USP39: variants seen among roughly 807,000 people sequenced by gnomAD.
USP39 encodes ubiquitin specific peptidase 39.
In USP39, 38 loss-of-function variants were observed where a neutral mutation model predicts 66.4. That is an observed-to-expected ratio of 0.57 (90% CI 0.44 to 0.75). USP39 has a LOEUF of 0.75. USP39 is among the 30% of genes least tolerant of loss of function. The pLI, the probability that USP39 is intolerant of heterozygous loss-of-function variation, is 0.00. For synonymous variants in USP39, 303 were observed against 274.6 expected (o/e 1.10, Z -1.02); for missense variants, 608 against 714.4 (o/e 0.85, Z 1.70).
intron 10 of USP39, among the ~76,000 whole-genome samples, chr2:85,644,259 C>T (rs1558874625): frequency 6.6e-6 from 1 of 152,142 alleles, no homozygotes; most frequent in Non-Finnish European, 1.5e-5. Context: ...GGTAGCACAT[C>T]AGACAACTTT....
chr2:85,637,178 ATTAT>A (rs1675838359), intron 7 of USP39, among the ~76,000 whole-genome samples, 187 bp from the exon 8 acceptor site: 1 of 152,228 alleles, frequency 6.6e-6, no homozygotes, highest in Admixed American at 6.5e-5. Flanking sequence ...AAATAAAGTA[ATTAT>A]TTACACAAAT....
chr2:85,633,002 G>A (rs755013835), intron 6 of USP39, among the ~76,000 whole-genome samples: 1 of 152,130 alleles, frequency 6.6e-6, no homozygotes, highest in Non-Finnish European at 1.5e-5. Flanking sequence ...CTGGACCCTT[G>A]GACTCCTGGG....
intron 5 of USP39, among the ~76,000 whole-genome samples, chr2:85,629,235 G>A (rs971294090): frequency 2.0e-5 from 3 of 151,388 alleles, no homozygotes; most frequent in Non-Finnish European, 4.4e-5. Flanking sequence ...AGCTAATTTT[G>A]TATTTTTAGT....
intron 4 of USP39, 26 bp from the exon 5 acceptor site, chr2:85,625,513 A>G (rs1674786122): frequency 1.2e-6 from 2 of 1,612,304 alleles, no homozygotes; most frequent in Non-Finnish European, 1.7e-6. Flanking sequence ...CTCTTAAACA[A>G]CTTAGCATTT....
At chr2:85,643,783 G>A (rs1419949004) in intron 10 of USP39, among the ~76,000 whole-genome samples, 1 of 151,784 alleles carries the variant, frequency 6.6e-6, no homozygotes, top group Non-Finnish European at 1.5e-5. Context: ...GAATAGGTGG[G>A]ACTACAGGTG....
intron 11 of USP39, chr2:85,645,733 C>G (rs971845045): frequency 1.5e-4 from 23 of 152,220 alleles, no homozygotes; most frequent in Admixed American, 9.2e-4. Context: ...AAACATCAGT[C>G]AGCATTAAGG....
At chr2:85,637,580 T>C (rs1573437401) in intron 8 of USP39, 144 bp downstream of exon 8, 2 of 822,776 alleles carry the variant, frequency 2.4e-6, no homozygotes, top group Non-Finnish European at 4.0e-6. Flanking sequence ...CAGCTCTGCC[T>C]GGTCCCTGTC....
upstream of USP39, chr2:85,612,243 C>T: frequency 7.4e-7 from 1 of 1,353,506 alleles, no homozygotes; most frequent in Admixed American, 2.4e-5. Context: ...TTTTTCGTAA[C>T]ATATCAATAG....
At chr2:85,628,981 A>G (rs908050078) in intron 5 of USP39, among the ~76,000 whole-genome samples, 1 of 152,148 alleles carries the variant, frequency 6.6e-6, no homozygotes, top group Non-Finnish European at 1.5e-5. Context: ...TGTTCATGGT[A>G]AGCACAGTGC....
At chr2:85,636,510 T>TTA (rs1383481568) in intron 7 of USP39, among the ~76,000 whole-genome samples, 2 of 152,066 alleles carry the variant, frequency 1.3e-5, no homozygotes, top group Non-Finnish European at 2.9e-5. Flanking sequence ...TGATATTTTA[T>TTA]TATATATATA....
chr2:85,638,134 G>T (rs1267798718), intron 8 of USP39, among the ~76,000 whole-genome samples: 1 of 152,080 alleles, frequency 6.6e-6, no homozygotes, highest in African/African-American at 2.4e-5. Flanking sequence ...CCATTCTCCT[G>T]CCTCAGCCTC....
Position 85,616,329 on chromosome 2 carries a change from G to A in USP39, c.134G>A (p.Gly45Asp), listed in dbSNP as rs968952197. The part of the protein sequence containing the change: ...EREPEAASSR[G>D]SPVRVKREFE... ...GAGCCTGAGGCGGCGAGCTCCCGGG[G>A]CAGCCCTGTGCGCGTGAAGCGGGAG... The change falls in exon 1 of 13, where the codon GGC becomes GAC. Residue 45 changes from glycine (G) to aspartate (D), a missense_variant. Coordinates refer to ENST00000323701, the MANE Select transcript of USP39 (RefSeq NM_006590.4). The A allele has an allele frequency of 1.3e-6, 2 of 1,598,890 alleles. No individual in the cohort carries two copies. The highest frequency in any genetic ancestry group is 3.4e-5 in the Admixed American group (2 of 58,884).
intron 6 of USP39, among the ~76,000 whole-genome samples, chr2:85,633,369 C>T (rs1217302630): frequency 5.3e-5 from 8 of 152,132 alleles, no homozygotes; most frequent in African/African-American, 1.9e-4. Context: ...GTGATCCACC[C>T]GCCTCGGCCT....
intron 9 of USP39, 167 bp downstream of exon 9, chr2:85,639,558 G>A (rs189803687): frequency 2.0e-5 from 12 of 605,548 alleles, no homozygotes; most frequent in Admixed American, 7.0e-5. Flanking sequence ...AGTTTCAAGC[G>A]ATTCTCCTGC....
At position 85,619,111 on chromosome 2, in the gene USP39, G is replaced by A. The variant is rs1013541003; in HGVS notation, c.269-109G>A. 5 of 1,262,714 alleles carry A rather than the reference G, an allele frequency of 4.0e-6. No homozygotes were observed. The Admixed American group carries it at 8.2e-5, about 21-fold the overall frequency. 78.2% of individuals were successfully genotyped at this position (1,262,714 alleles called of 1,614,324 possible). On this transcript the variant is annotated intron_variant, in intron 1 of 12. Coordinates refer to ENST00000323701, the MANE Select transcript of USP39 (RefSeq NM_006590.4). ...CGATATTGTTGCCACCCAAACAATAGGAACTCATCTTGATTAGTTTTTCCC... is the reference window on the plus strand; with the variant it reads ...CGATATTGTTGCCACCCAAACAATAAGAACTCATCTTGATTAGTTTTTCCC...
At chr2:85,615,596 C>G (rs1043973510), upstream of USP39, among the ~76,000 whole-genome samples, 4 of 152,136 alleles carry the variant, frequency 2.6e-5, no homozygotes, top group African/African-American at 9.7e-5. Context: ...AACGACCTCA[C>G]GGTGGTGGTT....
intron 3 of USP39, among the ~76,000 whole-genome samples, chr2:85,622,590 A>G (rs1674547424): frequency 6.7e-6 from 1 of 148,180 alleles, no homozygotes; most frequent in Non-Finnish European, 1.5e-5. Flanking sequence ...TTGTGGAGAC[A>G]AGGCCTTATT....
chr2:85,603,287 G>A (rs758915941), intron 1 of USP39: 10 of 152,282 alleles, frequency 6.6e-5, no homozygotes, highest in Non-Finnish European at 1.5e-4. Flanking sequence ...CTGCATACAA[G>A]TACACAATGT....
At chr2:85,626,439 T>C (rs892111346) in intron 5 of USP39, among the ~76,000 whole-genome samples, 12 of 152,214 alleles carry the variant, frequency 7.9e-5, no homozygotes, top group African/African-American at 2.4e-4. Flanking sequence ...AGGACTCTAC[T>C]TGAGTAATTG....
Sources: allele counts gnomAD v4.1 joint callset (sites outside exome capture counted in the v4.1 genomes callset), GRCh38; gene constraint gnomAD v4.1.1; transcripts MANE v1.5; gene names NCBI Gene and HGNC (gene_info 2026-07-23, HGNC 2026-07-21).